Variants in PHYHIPL observed in about 807,000 individuals in gnomAD.
PHYHIPL encodes phytanoyl-CoA hydroxylase-interacting protein-like.
PHYHIPL carries 9 observed loss-of-function variants against 33.4 expected under a neutral mutation model. The ratio of observed to expected loss-of-function variants is 0.27; its 90% confidence interval spans 0.16 to 0.47. The LOEUF is 0.47. Among genes scored for constraint, PHYHIPL ranks in the 20% least tolerant of loss-of-function variants. The pLI is 0.99. For synonymous variants in PHYHIPL, 153 were observed against 154.1 expected (o/e 0.99, Z 0.05); for missense variants, 365 against 460.7 (o/e 0.79, Z 1.90).
Position 59,177,730 on chromosome 10 carries a change from A to T in PHYHIPL, c.106+771A>T, listed in dbSNP as rs79722490. The T allele has an allele frequency of 7.2e-4, 935 of 1,292,092 alleles. 2 individuals are homozygous for T. In the African/African-American group the frequency reaches 0.011, roughly 15 times the overall value. 80.0% of individuals were successfully genotyped at this position (1,292,092 alleles called of 1,614,324 possible). On this transcript the variant is annotated intron_variant, in intron 1 of 4. Transcript: ENST00000373880. Reference sequence around the variant, plus strand: ...GGTCTGAGCGTTGAAGACATAAGCTAGTGCTGTGTGCGGTGTGGTTAGTTA... The same window carrying T: ...GGTCTGAGCGTTGAAGACATAAGCTTGTGCTGTGTGCGGTGTGGTTAGTTA...
At chr10:59,215,851 A>G (rs1337635572) in intron 1 of PHYHIPL, among the ~76,000 whole-genome samples, 1 of 150,964 alleles carries the variant, frequency 6.6e-6, no homozygotes, top group Non-Finnish European at 1.5e-5. Context: ...AAAAAAACAG[A>G]TTTTTGAAGG....
At chr10:59,223,291 C>T (rs1164182065) in intron 1 of PHYHIPL, among the ~76,000 whole-genome samples, 1 of 152,160 alleles carries the variant, frequency 6.6e-6, no homozygotes, top group African/African-American at 2.4e-5. Context: ...TTGTTCGATC[C>T]TTCTTGGATC....
At chr10:59,242,533 C>G (rs11006412) in intron 4 of PHYHIPL, among the ~76,000 whole-genome samples, 32,645 of 151,874 alleles carry the variant, frequency 0.21, 4,749 homozygotes, top group African/African-American at 0.41. Context: ...CACCAAGAAC[C>G]AGGAAAATCT....
chr10:59,184,983 CATT>C (rs1397389461), intron 1 of PHYHIPL, among the ~76,000 whole-genome samples: 6 of 139,066 alleles, frequency 4.3e-5, no homozygotes, highest in African/African-American at 1.6e-4. Context: ...ATGAACTCAT[CATT>C]TTTTTTTTTT....
At chr10:59,236,385 C>T in intron 2 of PHYHIPL, 98 bp from the exon 3 acceptor site, 3 of 631,146 alleles carry the variant, frequency 4.8e-6, no homozygotes, top group Non-Finnish European at 4.9e-6. Flanking sequence ...TTCTCCCTTC[C>T]CTCCTTCCTC....
intron 4 of PHYHIPL, among the ~76,000 whole-genome samples, chr10:59,242,429 G>A (rs1316491640): frequency 6.6e-6 from 1 of 152,186 alleles, no homozygotes; most frequent in East Asian, 1.9e-4. Flanking sequence ...ATAGTCAGGA[G>A]GAGGCCTGCT....
At chr10:59,232,681 T>C (rs1840113582) in intron 1 of PHYHIPL, among the ~76,000 whole-genome samples, 1 of 151,948 alleles carries the variant, frequency 6.6e-6, no homozygotes, top group South Asian at 2.1e-4. Context: ...AAATAACAAT[T>C]GTAACTATTT....
intron 1 of PHYHIPL, among the ~76,000 whole-genome samples, chr10:59,218,199 T>G (rs1323168080): frequency 6.6e-6 from 1 of 152,112 alleles, no homozygotes; most frequent in Non-Finnish European, 1.5e-5. Flanking sequence ...TTTATACAAC[T>G]TTGGATGCTA....
chr10:59,182,374 G>T (rs188770336), intron 1 of PHYHIPL, among the ~76,000 whole-genome samples: 2 of 151,904 alleles, frequency 1.3e-5, no homozygotes, highest in East Asian at 3.9e-4. Context: ...ACGGAGTTTC[G>T]CTCTTTCACC....
At chr10:59,198,205 A>C (rs1838979398) in intron 1 of PHYHIPL, among the ~76,000 whole-genome samples, 1 of 146,752 alleles carries the variant, frequency 6.8e-6, no homozygotes, top group African/African-American at 2.5e-5. Context: ...CCTCCCCCCT[A>C]CCCCCACCCC....
chr10:59,177,414 A>G, intron 1 of PHYHIPL: 1 of 1,434,092 alleles, frequency 7.0e-7, no homozygotes, highest in Non-Finnish European at 9.2e-7. Flanking sequence ...TCTTTTTTAA[A>G]CCTCCCATCC....
intron 1 of PHYHIPL, among the ~76,000 whole-genome samples, chr10:59,221,163 C>T (rs931664142): frequency 1.1e-4 from 16 of 151,704 alleles, no homozygotes; most frequent in African/African-American, 3.6e-4. Context: ...TGATTTGTTC[C>T]ATATTTCTGT....
intron 4 of PHYHIPL, among the ~76,000 whole-genome samples, chr10:59,243,437 T>C (rs182562834): frequency 5.9e-5 from 9 of 152,202 alleles, no homozygotes; most frequent in Admixed American, 2.0e-4. Context: ...ACCTGGAACA[T>C]CAGAAAGAAA....
At position 59,234,371 on chromosome 10, in the gene PHYHIPL, A is replaced by G; in HGVS notation, c.174A>G (p.Ile58Met). 6.2e-7 allele frequency: 1 copy of G among 1,602,088 alleles called. No homozygotes were observed. The highest frequency in any genetic ancestry group is 1.1e-5 in the South Asian group (1 of 89,068). ...TTCCTGTACCACATAACATCAAAATAAGCAATATAACGTGTGACTCATTCA... is the reference window on the plus strand; with the variant it reads ...TTCCTGTACCACATAACATCAAAATGAGCAATATAACGTGTGACTCATTCA... ...EELPVPHNIK[I>M]SNITCDSFKI... Residue 58 changes from isoleucine (I) to methionine (M), a missense_variant, in exon 2 of 5, where the codon ATA (isoleucine) becomes ATG (methionine). By Grantham distance (10) the Ile-to-Met change is conservative. Transcript: ENST00000373880.
At chr10:59,227,828 C>T (rs1056204512) in intron 1 of PHYHIPL, among the ~76,000 whole-genome samples, 6 of 151,958 alleles carry the variant, frequency 3.9e-5, no homozygotes, top group African/African-American at 1.5e-4. Context: ...TGATTTTCTC[C>T]TTTTATTTCC....
At chr10:59,186,789 C>T (rs1214005493) in intron 1 of PHYHIPL, among the ~76,000 whole-genome samples, 4 of 152,114 alleles carry the variant, frequency 2.6e-5, no homozygotes, top group Non-Finnish European at 4.4e-5. Context: ...TATAAGAATG[C>T]TTGTGATTTT....
intron 1 of PHYHIPL, among the ~76,000 whole-genome samples, chr10:59,184,622 C>A (rs1207283097): frequency 6.6e-6 from 1 of 151,446 alleles, no homozygotes; most frequent in African/African-American, 2.4e-5. Flanking sequence ...CGGAAACAGG[C>A]CCTAGTTTTT....
intron 3 of PHYHIPL, among the ~76,000 whole-genome samples, chr10:59,237,038 A>G (rs988039082): frequency 4.0e-5 from 6 of 151,204 alleles, no homozygotes; most frequent in Non-Finnish European, 8.9e-5. Context: ...CCAGTACTGA[A>G]AGACAGAAAC....
rs186357782 is a variant in PHYHIPL, at chr10:59,229,674, A to C, written c.107-4630A>C. 5.0e-3 allele frequency among the ~76,000 whole-genome samples: 512 copies of C among 102,280 alleles called. 6 individuals are homozygous for C. The highest frequency in any genetic ancestry group is 0.018 in the African/African-American group (359 of 20,448). The allele number at this position is 102,280 out of a possible 152,430, so 67.1% of individuals were successfully genotyped here. A position where few individuals can be genotyped will look rare whatever the true frequency, so the allele number is the denominator to read the frequency against. ...ATGTGGTCAGAACAAATTCATAGAC[A>C]AAAAAAATAAATAAATAAAAGGAAG... On this transcript the variant is annotated intron_variant, in intron 1 of 4. Transcript: ENST00000373880.
Sources: gnomAD v4.1 joint callset for allele counts (sites outside exome capture counted in the v4.1 genomes callset) on GRCh38, gnomAD v4.1.1 for gene constraint, MANE v1.5 for transcripts, NCBI Gene and HGNC (gene_info 2026-07-23, HGNC 2026-07-21) for gene names.